The following HCK variants were observed in gnomAD, a reference collection of about 807,000 sequenced individuals.
HCK encodes HCK proto-oncogene, Src family tyrosine kinase, also known as tyrosine-protein kinase HCK.
In HCK, 40 loss-of-function variants were observed where a neutral mutation model predicts 70.4. The observed-to-expected ratio is 0.57, with a 90% CI of 0.44 to 0.74. The LOEUF (loss-of-function observed/expected upper bound fraction) is 0.74. Among genes scored for constraint, HCK ranks in the 30% least tolerant of loss-of-function variants. The pLI is 0.00. For missense variants in HCK, 568 were observed against 697.2 expected (o/e 0.81, Z 2.09); for synonymous variants, 245 against 263.2 (o/e 0.93, Z 0.67).
chr20:32,074,742 C>T (rs1190855594), intron 5 of HCK, 21 bp downstream of exon 5: 1 of 1,570,632 alleles, frequency 6.4e-7, no homozygotes, highest in Admixed American at 1.7e-5. Flanking sequence ...TATTTCCTAC[C>T]TTCCAGAAAG....
At chr20:32,095,672 G>A (rs2045944874) in intron 11 of HCK, among the ~76,000 whole-genome samples, 1 of 152,128 alleles carries the variant, frequency 6.6e-6, no homozygotes, top group Non-Finnish European at 1.5e-5. Context: ...GAAATGTGAT[G>A]AAAGTATTCT....
chr20:32,058,140 C>G (rs543715557), intron 1 of HCK, among the ~76,000 whole-genome samples: 26 of 152,062 alleles, frequency 1.7e-4, no homozygotes, highest in Non-Finnish European at 1.5e-5. Context: ...GTACAGTAGA[C>G]GACCCCGAGT....
intron 1 of HCK, among the ~76,000 whole-genome samples, chr20:32,069,298 C>G (rs893865632): frequency 2.6e-5 from 4 of 152,182 alleles, no homozygotes; most frequent in Non-Finnish European, 4.4e-5. Context: ...CTGTGGCCAT[C>G]TTGAATATGT....
chr20:32,080,261 C>T (rs767257227), intron 6 of HCK, among the ~76,000 whole-genome samples: 1 of 152,084 alleles, frequency 6.6e-6, no homozygotes, highest in Non-Finnish European at 1.5e-5. Flanking sequence ...TGCAGTGGTG[C>T]GATCTCGGCT....
At position 32,052,993 on chromosome 20, in the gene HCK, C is replaced by T. The variant is rs1376438236; in HGVS notation, c.62+507C>T. ...CGGCTGCAGCTGGTCGGCTCTCTGCCCCTCCTCCCACAACAGGTCTAGGTC... is the reference window on the plus strand; with the variant it reads ...CGGCTGCAGCTGGTCGGCTCTCTGCTCCTCCTCCCACAACAGGTCTAGGTC... On this transcript the variant is annotated intron_variant, in intron 1 of 12. Transcript: ENST00000375852. 5.9e-5 allele frequency among the ~76,000 whole-genome samples: 9 copies of T among 152,158 alleles called. No individual in the cohort carries two copies. The South Asian group carries it at 1.9e-3, about 32-fold the overall frequency.
chr20:32,069,806 AAGCCT>A, intron 1 of HCK: 3 of 1,234,988 alleles, frequency 2.4e-6, no homozygotes, highest in Non-Finnish European at 1.1e-6. Flanking sequence ...TAACTCATCT[AAGCCT>A]AGGAGTTTGG....
Position 32,086,681 on chromosome 20 carries a change from A to C in HCK, c.889A>C (p.Met297Leu), listed in dbSNP as rs778408622. ...AGTGAAGACGATGAAGCCAGGGAGC[A>C]TGTCGGTGGAGGCCTTCCTGGCAGA... Residue 297 changes from methionine (M) to leucine (L), a missense_variant, in exon 9 of 13, where the codon ATG becomes CTG. Transcript: ENST00000375852. 2 of 1,613,290 alleles carry C rather than the reference A, an allele frequency of 1.2e-6. No individual in the cohort carries two copies. Among genetic ancestry groups the C allele is most frequent in the African/African-American group, 2.7e-5 (2 of 74,866 alleles).
chr20:32,072,224 G>A (rs1450367916), intron 2 of HCK: 1 of 162,124 alleles, frequency 6.2e-6, no homozygotes, highest in African/African-American at 2.4e-5. Flanking sequence ...GTAGCAGCAG[G>A]AACAACAGCA....
chr20:32,092,222 A>C (rs750423950), intron 10 of HCK, among the ~76,000 whole-genome samples: 7 of 152,102 alleles, frequency 4.6e-5, no homozygotes, highest in Non-Finnish European at 1.0e-4. Flanking sequence ...GGTTATTTAG[A>C]GGCAGCAGGA....
At chr20:32,063,254 A>G (rs901143478) in intron 1 of HCK, among the ~76,000 whole-genome samples, 4 of 152,156 alleles carry the variant, frequency 2.6e-5, no homozygotes, top group South Asian at 4.1e-4. Flanking sequence ...CCTATTAGAT[A>G]CCAGGTGCTT....
intron 10 of HCK, 97 bp from the exon 11 acceptor site, chr20:32,093,766 C>T: frequency 8.3e-7 from 1 of 1,200,070 alleles, no homozygotes; most frequent in Non-Finnish European, 1.2e-6. Context: ...AGACATTTCG[C>T]ATTTTCTTCA....
intron 1 of HCK, among the ~76,000 whole-genome samples, chr20:32,058,666 A>C (rs1264099402): frequency 3.3e-5 from 5 of 150,978 alleles, no homozygotes; most frequent in Non-Finnish European, 5.9e-5. Flanking sequence ...ATCATGGCGT[A>C]TATGTCTTAG....
Position 32,099,100 on chromosome 20 carries a change from T to A in HCK, c.1343T>A (p.Met448Lys). The change falls in exon 12 of 13, where the codon ATG becomes AAG. Residue 448 changes from methionine to lysine, a missense_variant. By Grantham distance (95) the Met-to-Lys change is moderately conservative (BLOSUM62 -1). Around this residue, in one of 4 missense-constraint regions of HCK, gnomAD observed 160 missense variants for 237.5 expected, o/e 0.67. Transcript: ENST00000375852. Reference sequence around the variant, plus strand: ...GTCTGGTCCTTTGGTATCCTGCTGATGGAGATCGTCACCTACGGCCGGATC... The same window carrying A: ...GTCTGGTCCTTTGGTATCCTGCTGAAGGAGATCGTCACCTACGGCCGGATC... The A allele has an allele frequency of 1.2e-6, 2 of 1,614,180 alleles. No individual in the cohort carries two copies. Among genetic ancestry groups the A allele is most frequent in the Non-Finnish European group, 1.7e-6 (2 of 1,180,026 alleles).
At chr20:32,063,971 A>G (rs1456180806) in intron 1 of HCK, among the ~76,000 whole-genome samples, 1 of 141,596 alleles carries the variant, frequency 7.1e-6, no homozygotes, top group Non-Finnish European at 1.5e-5. Flanking sequence ...CCAGAATTGA[A>G]TCACATGCCC....
At chr20:32,089,516 C>T (rs1468273878) in intron 10 of HCK, among the ~76,000 whole-genome samples, 1 of 152,226 alleles carries the variant, frequency 6.6e-6, no homozygotes, top group African/African-American at 2.4e-5. Flanking sequence ...AACCAAATCT[C>T]TTAGAGACCA....
At chr20:32,091,890 T>C (rs1025207866) in intron 10 of HCK, among the ~76,000 whole-genome samples, 52 of 150,182 alleles carry the variant, frequency 3.5e-4, no homozygotes, top group African/African-American at 1.2e-3. Context: ...GAAGCTGAGG[T>C]GGGAAGACTG....
chr20:32,058,076 A>G (rs2045300497), intron 1 of HCK, among the ~76,000 whole-genome samples: 1 of 152,210 alleles, frequency 6.6e-6, no homozygotes, highest in Non-Finnish European at 1.5e-5. Flanking sequence ...TGCAGCCAAG[A>G]GAACAGGAAT....
rs369398165 is a variant in HCK at position 32,056,554 on chromosome 20, G to A, written c.62+4068G>A. On this transcript the variant is annotated intron_variant, in intron 1 of 12. Transcript: ENST00000375852. ...ACAGTAGTTCTATCTTTAACTTTTT[G>A]AGGAACTGCTATGCTGTTTTCCACC... is the stretch of plus-strand genomic sequence containing the variant. Among the ~76,000 whole-genome samples, 20 of 151,164 alleles carry A rather than the reference G, an allele frequency of 1.3e-4. 1 individual carries two copies. The highest frequency in any genetic ancestry group is 4.6e-4 in the African/African-American group (19 of 41,242).
rs759472997 is a variant in HCK, at chr20:32,084,452, G to T, written c.744G>T (p.Lys248Asn). 1 of 1,614,154 alleles carries T rather than the reference G, an allele frequency of 6.2e-7. No homozygotes were observed. Among genetic ancestry groups the T allele is most frequent in the South Asian group, 1.1e-5 (1 of 91,082 alleles). Residue 248 changes from lysine (K) to asparagine (N), a missense_variant, in exon 8 of 13, where the codon AAG (lysine) becomes AAT (asparagine). Lys to Asn is a moderately conservative substitution (Grantham distance 94). Transcript: ENST00000375852. ...CCTGCATGTCTTCCAAGCCCCAGAA[G>T]CCTTGGGAGAAAGATGCCTGGGAGA...
Sources: allele counts gnomAD v4.1 joint callset (sites outside exome capture counted in the v4.1 genomes callset), GRCh38; gene constraint gnomAD v4.1.1; regional missense constraint gnomAD v4.1.1; transcripts MANE v1.5; gene names NCBI Gene and HGNC (gene_info 2026-07-23, HGNC 2026-07-21).